MAPK10: variants seen among roughly 807,000 people sequenced by gnomAD.
MAPK10 encodes the protein mitogen-activated protein kinase 10.
Under a neutral mutation model 59.3 loss-of-function variants are expected in MAPK10, and 25 were observed. The ratio of observed to expected loss-of-function variants is 0.42; its 90% CI spans 0.31 to 0.59. The LOEUF is 0.59. Among genes scored for constraint, MAPK10 ranks in the 20% least tolerant of loss-of-function variants. The pLI, the probability that MAPK10 is intolerant of heterozygous loss-of-function variation, is 0.15. For synonymous variants in MAPK10, 190 were observed against 200.5 expected (o/e 0.95, Z 0.44); for missense variants, 351 against 568.9 (o/e 0.62, Z 3.90).
intron 1 of MAPK10, among the ~76,000 whole-genome samples, chr4:86,563,446 T>G (rs559722340): frequency 1.3e-5 from 2 of 152,340 alleles, no homozygotes; most frequent in African/African-American, 4.8e-5. Context: ...AGTAGCAGCA[T>G]TATTTATACC....
intron 1 of MAPK10, among the ~76,000 whole-genome samples, chr4:86,577,321 T>G (rs1254653064): frequency 6.6e-6 from 1 of 152,096 alleles, no homozygotes; most frequent in Non-Finnish European, 1.5e-5. Flanking sequence ...AAAAAAATTT[T>G]TTTTAATTAA....
chr4:86,528,054 T>C (rs894880238), intron 1 of MAPK10, among the ~76,000 whole-genome samples: 3 of 152,196 alleles, frequency 2.0e-5, no homozygotes, highest in African/African-American at 7.2e-5. Flanking sequence ...GGTATTATGC[T>C]CACTACCTCG....
chr4:86,330,044 C>T (rs1055267576), intron 2 of MAPK10, among the ~76,000 whole-genome samples: 21 of 152,030 alleles, frequency 1.4e-4, no homozygotes, highest in African/African-American at 4.8e-4. Flanking sequence ...CAGGAATGTG[C>T]GGCTGTATAT....
chr4:86,357,509 T>C (rs1205889684), intron 1 of MAPK10: 1 of 152,212 alleles, frequency 6.6e-6, no homozygotes, highest in Non-Finnish European at 1.5e-5. Flanking sequence ...GAAAATCTTA[T>C]TAATTTTCCT....
intron 2 of MAPK10, among the ~76,000 whole-genome samples, chr4:86,197,046 CTT>C (rs1192246388): frequency 6.6e-6 from 1 of 152,056 alleles, no homozygotes; most frequent in Non-Finnish European, 1.5e-5. Flanking sequence ...TATATGGGCT[CTT>C]TTTTGGTTCC....
rs17011577 is a variant in MAPK10 at position 86,234,938 on chromosome 4, G to A, written c.-6-40531C>T. On this transcript the variant is annotated intron_variant, in intron 2 of 13. Transcript: ENST00000641462. ...TCACACATTTTCTAAAATACATGCAGTAACGGATTAGGAGAAAAGAGAAGA... is the reference window on the plus strand; with the variant it reads ...TCACACATTTTCTAAAATACATGCAATAACGGATTAGGAGAAAAGAGAAGA... 5.4e-3 allele frequency among the ~76,000 whole-genome samples: 822 copies of A among 152,180 alleles called. 22 individuals carry two copies. The East Asian group carries it at 0.075, about 14-fold the overall frequency.
intron 2 of MAPK10, among the ~76,000 whole-genome samples, chr4:86,329,590 T>A (rs2096104907): frequency 6.6e-6 from 1 of 152,158 alleles, no homozygotes; most frequent in Non-Finnish European, 1.5e-5. Context: ...CAACGAGAGA[T>A]CCCAGTTTGG....
chr4:86,241,634 C>T (rs1022784363), intron 2 of MAPK10, among the ~76,000 whole-genome samples: 2 of 152,060 alleles, frequency 1.3e-5, no homozygotes, highest in Admixed American at 1.3e-4. Flanking sequence ...TTGATACTTG[C>T]GTATGCATCA....
chr4:86,477,216 C>T (rs1753171707), intron 1 of MAPK10, among the ~76,000 whole-genome samples: 2 of 152,194 alleles, frequency 1.3e-5, no homozygotes, highest in African/African-American at 4.8e-5. Flanking sequence ...TCCCTTGCCT[C>T]CATAACTGTC....
chr4:86,396,785 A>C (rs1427599402), intron 1 of MAPK10, among the ~76,000 whole-genome samples: 1 of 152,188 alleles, frequency 6.6e-6, no homozygotes, highest in Non-Finnish European at 1.5e-5. Context: ...TTGTGAGAAC[A>C]GCACCAAGTC....
intron 1 of MAPK10, among the ~76,000 whole-genome samples, chr4:86,411,054 C>G (rs1322225302): frequency 2.0e-5 from 3 of 152,160 alleles, no homozygotes; most frequent in Admixed American, 6.5e-5. Flanking sequence ...ATAAATTTCT[C>G]TCTACACACT....
chr4:86,548,351 A>G lies in MAPK10; in HGVS notation c.-263+45559T>C, dbSNP rs576993754. 5.9e-5 allele frequency among the ~76,000 whole-genome samples: 9 copies of G among 152,294 alleles called. No individual in the cohort carries two copies. The South Asian group carries it at 8.3e-4, about 14-fold the overall frequency. ...ACATCAGAACGAACAAACTCCGGAC[A>G]TGCCACCTTTAAGAACTGTAACACT... is the stretch of plus-strand genomic sequence containing the variant. On this transcript the variant is annotated intron_variant, in intron 1 of 4. Coordinates refer to the MAPK10 transcript ENST00000502302.
chr4:86,556,199 G>A (rs1045382610), intron 1 of MAPK10, among the ~76,000 whole-genome samples: 1 of 152,092 alleles, frequency 6.6e-6, no homozygotes, highest in African/African-American at 2.4e-5. Context: ...TTAATTTAAT[G>A]GAACCTGTTC....
chr4:86,282,522 AC>A (rs1181690300), intron 2 of MAPK10, among the ~76,000 whole-genome samples: 1 of 152,182 alleles, frequency 6.6e-6, no homozygotes, highest in African/African-American at 2.4e-5. Context: ...AAAAAATTAT[AC>A]TGCAACTATA....
At chr4:86,357,085 A>G (rs1734904961) in intron 1 of MAPK10, 1 of 152,246 alleles carries the variant, frequency 6.6e-6, no homozygotes, top group Non-Finnish European at 1.5e-5. Flanking sequence ...CAATGAAGAA[A>G]GAATTTAAGA....
chr4:86,522,585 G>C (rs2149088152), intron 1 of MAPK10, among the ~76,000 whole-genome samples: 1 of 152,150 alleles, frequency 6.6e-6, no homozygotes, highest in African/African-American at 2.4e-5. Context: ...AAATTCTCCT[G>C]TTTTGTTGTA....
intron 1 of MAPK10, among the ~76,000 whole-genome samples, chr4:86,393,682 C>G (rs145559147): frequency 8.7e-4 from 132 of 152,166 alleles, no homozygotes; most frequent in Non-Finnish European, 1.7e-3. Flanking sequence ...TATTTAAATT[C>G]TGGTGAGGTA....
rs942243777 is a variant in MAPK10 at position 86,320,619 on chromosome 4, G to C, written c.-7+33911C>G. 5.3e-5 allele frequency among the ~76,000 whole-genome samples: 8 copies of C among 152,230 alleles called. No individual in the cohort carries two copies. In the East Asian group the frequency reaches 1.5e-3, roughly 29 times the overall value. The stretch of plus-strand genomic sequence containing the variant: ...CCATTTTGTAGGTTGCCTGTTCACT[G>C]TGATGGTAGTTTCTTTTGCTGTGCA... On this transcript the variant is annotated intron_variant, in intron 2 of 13. Transcript: ENST00000641462.
At chr4:86,103,127 T>C (rs1268928089) in intron 6 of MAPK10, 59 bp downstream of exon 6, 4 of 968,940 alleles carry the variant, frequency 4.1e-6, no homozygotes, top group Non-Finnish European at 1.6e-6. Context: ...GGTGTGTGAT[T>C]TTCCCTTGGG....
Sources: allele counts gnomAD v4.1 joint callset (sites outside exome capture counted in the v4.1 genomes callset), GRCh38; gene constraint gnomAD v4.1.1; transcripts MANE v1.5; gene names NCBI Gene and HGNC (gene_info 2026-07-23, HGNC 2026-07-21).